ACACB: variants seen among roughly 807,000 people sequenced by gnomAD.
The protein encoded by ACACB is acetyl-CoA carboxylase 2.
ACACB carries 209 observed loss-of-function variants against 278.8 expected under a neutral mutation model. That is an observed-to-expected ratio of 0.75 (90% CI 0.67 to 0.84). The LOEUF is 0.84. ACACB is among the 40% of genes least tolerant of loss of function. The pLI is 0.00. For missense variants in ACACB, 2,850 were observed against 3,269.0 expected (o/e 0.87, Z 3.13); for synonymous variants, 1,174 against 1,285.6 (o/e 0.91, Z 1.86).
chr12:109,179,095 G>C lies in ACACB; in HGVS notation c.1445G>C (p.Ser482Thr). ...DFPILFRQVQ[S>T]EIPGSPIFLM... is the part of the protein sequence containing the mutation. The stretch of plus-strand genomic sequence containing the variant: ...CTCTGCTTCCCCCGACAGGTACAGA[G>C]TGAGATCCCAGGCTCGCCCATCTTT... The change falls in exon 10 of 53, where the codon AGT becomes ACT. Residue 482 changes from serine (S) to threonine (T), a missense_variant. Ser to Thr is a moderately conservative substitution (Grantham distance 58). This residue lies in a region of ACACB where 2,265 missense variants were observed against 2,561.3 expected (regional missense o/e 0.88). Transcript: ENST00000338432. 1 of 1,612,884 alleles carries C rather than the reference G, an allele frequency of 6.2e-7. No homozygotes were observed. Among genetic ancestry groups the C allele is most frequent in the Middle Eastern group, 1.6e-4 (1 of 6,062 alleles).
intron 1 of ACACB, among the ~76,000 whole-genome samples, chr12:109,126,452 G>A (rs1259219106): frequency 6.6e-6 from 1 of 152,168 alleles, no homozygotes; most frequent in Non-Finnish European, 1.5e-5. Context: ...GGAGGAAGAG[G>A]TGGGAAGATT....
At chr12:109,260,858 C>T (rs557331589) in intron 48 of ACACB, among the ~76,000 whole-genome samples, 2 of 152,318 alleles carry the variant, frequency 1.3e-5, no homozygotes, top group Non-Finnish European at 2.9e-5. Flanking sequence ...ACCAAAAGCA[C>T]TTGAACTTCC....
At chr12:109,123,599 AG>A (rs1165739890) in intron 1 of ACACB, among the ~76,000 whole-genome samples, 7 of 151,844 alleles carry the variant, frequency 4.6e-5, no homozygotes, top group Non-Finnish European at 1.0e-4. Flanking sequence ...AGGCTGAGGC[AG>A]GAGAATCTTT....
chr12:109,196,207 C>G (rs1227510441), intron 16 of ACACB, among the ~76,000 whole-genome samples: 1 of 152,148 alleles, frequency 6.6e-6, no homozygotes, highest in African/African-American at 2.4e-5. Context: ...CTGTGTCTCT[C>G]TCACGTGTCC....
At chr12:109,208,355 AC>A (rs1480480304) in intron 20 of ACACB, among the ~76,000 whole-genome samples, 9 of 151,684 alleles carry the variant, frequency 5.9e-5, no homozygotes, top group Non-Finnish European at 1.0e-4. Flanking sequence ...AGCTGGGGTT[AC>A]AGGTGCCTGC....
chr12:109,263,982 T>G, intron 49 of ACACB: 2 of 479,952 alleles, frequency 4.2e-6, no homozygotes, highest in Admixed American at 3.6e-5. Context: ...CTATTTGATC[T>G]GAGACAAAGG....
At position 109,193,686 on chromosome 12, in the gene ACACB, T is replaced by C. The variant is rs145681259; in HGVS notation, c.2438T>C (p.Val813Ala). The C allele has an allele frequency of 2.5e-6, 4 of 1,613,846 alleles. No individual in the cohort carries two copies. Among genetic ancestry groups the C allele is most frequent in the African/African-American group, 2.7e-5 (2 of 74,938 alleles). Reference protein sequence around the residue: ...VLPADSLLNLVDVELIYGGVK... With the variant: ...VLPADSLLNLADVELIYGGVK... ...CCAGCGGATTCACTACTGAACCTCG[T>C]AGATGTGGAATTAATTTACGGAGGT... Residue 813 changes from valine (V) to alanine (A), a missense_variant, in exon 16 of 53, where the codon GTA becomes GCA. By Grantham distance (64) the Val-to-Ala change is moderately conservative (BLOSUM62 0). Around this residue, in one of 3 missense-constraint regions of ACACB, gnomAD observed 2,265 missense variants for 2,561.3 expected, o/e 0.88. Transcript: ENST00000338432.
At chr12:109,226,490 G>A (rs1051887098) in intron 27 of ACACB, among the ~76,000 whole-genome samples, 3 of 151,710 alleles carry the variant, frequency 2.0e-5, no homozygotes, top group African/African-American at 4.8e-5. Context: ...ACCTGAGGTC[G>A]GGAGTTTGAG....
intron 19 of ACACB, 132 bp from the exon 20 acceptor site, chr12:109,206,578 T>C: frequency 8.8e-7 from 1 of 1,136,444 alleles, no homozygotes; most frequent in South Asian, 1.5e-5. Flanking sequence ...TCATTGTCTT[T>C]GATTTTTTCC....
At chr12:109,248,136 T>G (rs1370137225) in intron 40 of ACACB, among the ~76,000 whole-genome samples, 1 of 152,180 alleles carries the variant, frequency 6.6e-6, no homozygotes, top group East Asian at 1.9e-4. Context: ...TGACTCAGGA[T>G]TTCCTAGACT....
At chr12:109,250,151 A>G in intron 41 of ACACB, 47 bp downstream of exon 41, 1 of 1,522,620 alleles carries the variant, frequency 6.6e-7, no homozygotes, top group Non-Finnish European at 8.8e-7. Context: ...TCCATTATAG[A>G]AACTTTAAAA....
intron 9 of ACACB, among the ~76,000 whole-genome samples, chr12:109,177,072 C>A (rs1205151565): frequency 6.6e-6 from 1 of 152,214 alleles, no homozygotes; most frequent in Non-Finnish European, 1.5e-5. Flanking sequence ...TCTAGCTTTT[C>A]TTCTAGACCT....
chr12:109,214,444 G>T (rs2045936180), intron 22 of ACACB, among the ~76,000 whole-genome samples: 1 of 152,136 alleles, frequency 6.6e-6, no homozygotes, highest in Non-Finnish European at 1.5e-5. Flanking sequence ...CCCACAAACT[G>T]CAAGTTTCAC....
chr12:109,115,793 A>G (rs1280355346), upstream of ACACB, among the ~76,000 whole-genome samples: 1 of 152,136 alleles, frequency 6.6e-6, no homozygotes, highest in Non-Finnish European at 1.5e-5. Flanking sequence ...CATTTAAACC[A>G]TTTTGCACAG....
chr12:109,114,817 A>T (rs1271506028), upstream of ACACB, among the ~76,000 whole-genome samples: 5 of 152,030 alleles, frequency 3.3e-5, no homozygotes, highest in East Asian at 7.7e-4. Flanking sequence ...ATGCCACTGC[A>T]CTCCATCCAG....
rs372790776 is a variant in ACACB at position 109,233,854 on chromosome 12, G to A, written c.4239+7G>A. 177 of 1,614,034 alleles carry A rather than the reference G, an allele frequency of 1.1e-4. No homozygotes were observed. Among genetic ancestry groups the A allele is most frequent in the Middle Eastern group, 1.6e-4 (1 of 6,084 alleles). Reference sequence around the variant, plus strand: ...CTCCGAGGATGACTGCAAGGTAAGCGTCTAAGCCCAGGGAGCAACCTGGGG... The same window carrying A: ...CTCCGAGGATGACTGCAAGGTAAGCATCTAAGCCCAGGGAGCAACCTGGGG... On this transcript the variant is annotated splice_region_variant and intron_variant, in intron 30 of 52. Coordinates refer to ENST00000338432, the MANE Select transcript of ACACB (RefSeq NM_001093.4).
Position 109,140,890 on chromosome 12 carries a change from CT to C in ACACB, c.653+856del, listed in dbSNP as rs386377714. Among the ~76,000 whole-genome samples, 457 of 86,744 alleles carry C rather than the reference CT, an allele frequency of 5.3e-3. 1 individual carries two copies. The highest frequency in any genetic ancestry group is 8.8e-3 in the Middle Eastern group (1 of 114). 56.9% of individuals were successfully genotyped at this position (86,744 alleles called of 152,430 possible). ...CTGAAGAGACATTGATTCATTCATTCTTTTTTTTTTTTTTTTTTTTTTTTGA... is the reference window on the plus strand; with the variant it reads ...CTGAAGAGACATTGATTCATTCATTCTTTTTTTTTTTTTTTTTTTTTTTGA... On this transcript the variant is annotated intron_variant, in intron 2 of 52. Transcript: ENST00000338432.
chr12:109,162,353 A>G (rs2043755575), intron 2 of ACACB, among the ~76,000 whole-genome samples: 1 of 152,168 alleles, frequency 6.6e-6, no homozygotes, highest in Non-Finnish European at 1.5e-5. Flanking sequence ...CTAATGGAGC[A>G]GTGAGGAAAG....
intron 28 of ACACB, among the ~76,000 whole-genome samples, chr12:109,229,168 C>A (rs764719340): frequency 9.2e-5 from 14 of 152,170 alleles, no homozygotes; most frequent in Admixed American, 2.0e-4. Flanking sequence ...ATCTTGAATG[C>A]CTGACCTCAG....
Sources: gnomAD v4.1 joint callset for allele counts (sites outside exome capture counted in the v4.1 genomes callset) on GRCh38, gnomAD v4.1.1 for gene constraint, gnomAD v4.1.1 regional missense constraint, MANE v1.5 for transcripts, NCBI Gene and HGNC (gene_info 2026-07-23, HGNC 2026-07-21) for gene names.